The following TUBGCP5 variants were observed in gnomAD, a reference collection of about 807,000 sequenced individuals.
The protein encoded by TUBGCP5 is tubulin gamma complex component 5.
In TUBGCP5, 98 loss-of-function variants were observed where a neutral mutation model predicts 134.7. The observed-to-expected ratio is 0.73, with a 90% CI of 0.62 to 0.86. The LOEUF is 0.86. Among genes scored for constraint, TUBGCP5 ranks in the 40% least tolerant of loss-of-function variants. The probability of loss-of-function intolerance (pLI) is 0.00; values close to 1 mark genes in which losing one functional copy is unlikely to be tolerated. For missense variants in TUBGCP5, 1,150 were observed against 1,244.8 expected, an observed-to-expected ratio of 0.92 and a Z score of 1.15; for synonymous variants, 456 against 431.4, an observed-to-expected ratio of 1.06 and a Z score of -0.71.
At chr15:23,028,141 C>T (rs1383100274) in intron 6 of TUBGCP5, among the ~76,000 whole-genome samples, 2 of 151,924 alleles carry the variant, frequency 1.3e-5, no homozygotes, top group Non-Finnish European at 2.9e-5. Context: ...AAAGAGCTAA[C>T]CTGTTGGGCT....
intron 21 of TUBGCP5, among the ~76,000 whole-genome samples, 190 bp downstream of exon 21, chr15:23,002,875 A>G (rs1223484825): frequency 1.3e-5 from 2 of 150,552 alleles, no homozygotes; most frequent in Non-Finnish European, 2.9e-5. Context: ...TTCTCAAAAA[A>G]TACTTGCACT....
chr15:22,986,491 C>T (rs2063684420), intron 23 of TUBGCP5, among the ~76,000 whole-genome samples: 1 of 152,042 alleles, frequency 6.6e-6, no homozygotes, highest in Non-Finnish European at 1.5e-5. Context: ...AATCCCAGCA[C>T]TTTGGGAGGC....
At position 23,013,519 on chromosome 15, in the gene TUBGCP5, G is replaced by A. The variant is rs1476524075; in HGVS notation, c.1757-2188C>T. 6.6e-6 allele frequency among the ~76,000 whole-genome samples: 1 copy of A among 152,176 alleles called. No homozygotes were observed. The highest frequency in any genetic ancestry group is 2.4e-5 in the African/African-American group (1 of 41,442). ...AGGGGGAATGTGACACAGTGTTGGTGACTGGAGGCCCAGGAGGGCAGTGTG... is the reference window on the plus strand; with the variant it reads ...AGGGGGAATGTGACACAGTGTTGGTAACTGGAGGCCCAGGAGGGCAGTGTG... On this transcript the variant is annotated intron_variant, in intron 13 of 22. Transcript: ENST00000615383. This position sits in a 1 kb window ranked among gnomAD's most constrained non-coding sequence, Gnocchi z 4.5.
At chr15:23,021,915 T>C (rs2065720082) in intron 11 of TUBGCP5, 44 bp downstream of exon 11, 2 of 1,567,404 alleles carry the variant, frequency 1.3e-6, no homozygotes, top group East Asian at 4.5e-5. Flanking sequence ...ACTCCTCTGC[T>C]GTGCAGCATG....
intron 11 of TUBGCP5, among the ~76,000 whole-genome samples, chr15:23,020,087 G>A (rs1371639030): frequency 6.6e-6 from 1 of 151,812 alleles, no homozygotes; most frequent in East Asian, 2.0e-4. Context: ...GACCAGCCTG[G>A]CCAATATGGT....
Position 23,039,515 on chromosome 15 carries a change from C to T in TUBGCP5, c.29G>A (p.Arg10Gln). Residue 10 changes from arginine (R) to glutamine (Q), a missense_variant, in exon 1 of 23, where the codon CGG (arginine) becomes CAG (glutamine). This residue lies in a region of TUBGCP5 where 453 missense variants were observed against 394.7 expected (regional missense o/e 1.15). Transcript: ENST00000615383. ...GTCGCGCTCCTGCTGCGCGTCCAACCGACTCCACGGTGGCCCGTGCCGCGC... is the reference window on the plus strand; with the variant it reads ...GTCGCGCTCCTGCTGCGCGTCCAACTGACTCCACGGTGGCCCGTGCCGCGC... MARHGPPWS[R>Q]LDAQQERDVR... 6.7e-7 allele frequency: 1 copy of T among 1,502,528 alleles called. No homozygotes were observed. The highest frequency in any genetic ancestry group is 1.8e-4 in the Middle Eastern group (1 of 5,704). 93.1% of individuals were successfully genotyped at this position (1,502,528 alleles called of 1,614,324 possible).
Position 23,032,804 on chromosome 15 carries a change from T to G in TUBGCP5, c.330A>C (p.Ile110=), listed in dbSNP as rs768554804. 1 of 1,584,876 alleles carries G rather than the reference T, an allele frequency of 6.3e-7. No homozygotes were observed. The highest frequency in any genetic ancestry group is 8.5e-7 in the Non-Finnish European group (1 of 1,169,824). Residue 110 remains isoleucine (I), a synonymous_variant, in exon 4 of 23, where the codon ATA becomes ATC. Transcript: ENST00000615383. ...KEIKTDAHYS[I]LSLLLCLSDS... ...CTGACAGACACAGAAGAAGTGACAG[T>G]ATGGAATAATGTGCATCTGTCTTTA...
chr15:23,022,295 C>T (rs1157926636), intron 10 of TUBGCP5, 134 bp from the exon 11 acceptor site: 2 of 814,504 alleles, frequency 2.5e-6, no homozygotes, highest in African/African-American at 1.7e-5. Flanking sequence ...TAATCTCATA[C>T]CACAAGGACC....
intron 3 of TUBGCP5, among the ~76,000 whole-genome samples, chr15:23,033,385 T>A (rs537629106): frequency 9.5e-4 from 145 of 152,154 alleles, no homozygotes; most frequent in Non-Finnish European, 1.8e-3. Flanking sequence ...TTCAAGTGAT[T>A]CTCCTGTCTC....
rs5006363 is a variant in TUBGCP5, at chr15:23,025,556, G to A, written c.827+560C>T. 3.7e-4 allele frequency among the ~76,000 whole-genome samples: 56 copies of A among 152,196 alleles called. No homozygotes were observed. In the East Asian group the frequency reaches 7.2e-3, roughly 19 times the overall value. On this transcript the variant is annotated intron_variant, in intron 8 of 22. Transcript: ENST00000615383. ...CTATTAAGAATAGTCAGTAGCTACC[G>A]GCGCGGTGGCTCACGCCTGTAATCC...
chr15:23,001,697 A>T (rs1567097623), intron 21 of TUBGCP5, among the ~76,000 whole-genome samples: 1 of 151,364 alleles, frequency 6.6e-6, no homozygotes, highest in Non-Finnish European at 1.5e-5. Flanking sequence ...TGTAAGAGAG[A>T]ACTTCAGAAG....
chr15:22,991,538 G>C (rs1251473635), intron 23 of TUBGCP5, among the ~76,000 whole-genome samples: 1 of 152,062 alleles, frequency 6.6e-6, no homozygotes, highest in East Asian at 1.9e-4. Context: ...CGGAGGCTTG[G>C]GGAGAGGCAG....
Position 23,005,468 on chromosome 15 carries a change from A to G in TUBGCP5, c.2676T>C (p.His892=). 1 of 1,614,178 alleles carries G rather than the reference A, an allele frequency of 6.2e-7. No homozygotes were observed. Among genetic ancestry groups the G allele is most frequent in the Non-Finnish European group, 8.5e-7 (1 of 1,180,034 alleles). ...RMFLLRVKLM[H]FVNSLHNYIM... The stretch of plus-strand genomic sequence containing the variant: ...TGTAGTTGTGCAAGCTGTTCACGAA[A>G]TGCATGAGCTTCACTCTTAAGAGGA... The change falls in exon 19 of 23, where the codon CAT becomes CAC. Residue 892 remains histidine, a synonymous_variant. Transcript: ENST00000615383.
intron 13 of TUBGCP5, among the ~76,000 whole-genome samples, chr15:23,012,017 C>T (rs1014544463): frequency 4.0e-5 from 6 of 149,652 alleles, no homozygotes; most frequent in African/African-American, 1.2e-4. Flanking sequence ...GGCTGAGGCA[C>T]GAGAACTGCG....
chr15:23,012,115 C>CA (rs1210798007), intron 13 of TUBGCP5, among the ~76,000 whole-genome samples: 11,156 of 80,652 alleles, frequency 0.14, 1,364 homozygotes, highest in African/African-American at 0.35. Flanking sequence ...AAACCTGACT[C>CA]AAAAAAAAAA....
chr15:23,031,054 A>G lies in TUBGCP5; in HGVS notation c.487-34T>C, dbSNP rs369171014. The G allele has an allele frequency of 5.5e-5, 87 of 1,582,404 alleles. No individual in the cohort carries two copies. In the East Asian group the frequency reaches 1.8e-3, roughly 33 times the overall value. ...AAAAAGAGATACACTTTAGCTTTACAGAGTATAACACTTAAAGCTATTTAC... is the reference window on the plus strand; with the variant it reads ...AAAAAGAGATACACTTTAGCTTTACGGAGTATAACACTTAAAGCTATTTAC... On this transcript the variant is annotated intron_variant, in intron 5 of 22. Coordinates refer to ENST00000615383, the MANE Select transcript of TUBGCP5 (RefSeq NM_052903.6).
chr15:22,992,189 G>T (rs1410156569), intron 23 of TUBGCP5, among the ~76,000 whole-genome samples: 1 of 152,042 alleles, frequency 6.6e-6, no homozygotes. Flanking sequence ...TACTTTCATT[G>T]ACTCTCTGGA....
At position 22,988,050 on chromosome 15, in the gene TUBGCP5, G is replaced by A. The variant is rs140939612; in HGVS notation, c.*62-4439C>T. Among the ~76,000 whole-genome samples, 364 of 151,848 alleles carry A rather than the reference G, an allele frequency of 2.4e-3. 1 individual carries two copies. The highest frequency in any genetic ancestry group is 8.1e-3 in the African/African-American group (335 of 41,278). On this transcript the variant is annotated intron_variant and NMD_transcript_variant, in intron 23 of 23. Transcript: ENST00000614508. Reference sequence around the variant, plus strand: ...GTGGTGCCTTGATGTTGGGCACTCAGCTTCCAGAACTATGAGTAATACATT... The same window carrying A: ...GTGGTGCCTTGATGTTGGGCACTCAACTTCCAGAACTATGAGTAATACATT...
chr15:23,030,927 GTTC>G lies in TUBGCP5; in HGVS notation c.577_579del (p.Glu193del), dbSNP rs1284745865. On this transcript the variant is annotated inframe_deletion, in exon 6 of 23. Coordinates refer to ENST00000615383, the MANE Select transcript of TUBGCP5 (RefSeq NM_052903.6). ...GGATCCAGTTTTCTGTTTTGATCTTGTTCTTCTAACGGTGTCCTGTCTACCTGA... is the reference window on the plus strand; with the variant it reads ...GGATCCAGTTTTCTGTTTTGATCTTGTTCTAACGGTGTCCTGTCTACCTGA... The G allele has an allele frequency of 6.2e-7, 1 of 1,613,430 alleles. No homozygotes were observed.
Sources: allele counts gnomAD v4.1 joint callset (sites outside exome capture counted in the v4.1 genomes callset), GRCh38; gene constraint gnomAD v4.1.1; regional missense constraint gnomAD v4.1.1; non-coding constraint Gnocchi (gnomAD v3.1); transcripts MANE v1.5; gene names NCBI Gene and HGNC (gene_info 2026-07-23, HGNC 2026-07-21).